Variants in ADAMTS12 observed in about 807,000 individuals in gnomAD.
The protein encoded by ADAMTS12 is A disintegrin and metalloproteinase with thrombospondin motifs 12.
Under a neutral mutation model 167.8 loss-of-function variants are expected in ADAMTS12, and 118 were observed. The ratio of observed to expected loss-of-function variants is 0.70; its 90% CI spans 0.61 to 0.82. The LOEUF is 0.82. ADAMTS12 is among the 40% of genes least tolerant of loss of function. The pLI is 0.00. For missense variants in ADAMTS12, 1,916 were observed against 1,998.8 expected (o/e 0.96, Z 0.79); for synonymous variants, 704 against 716.9 (o/e 0.98, Z 0.29).
intron 2 of ADAMTS12, among the ~76,000 whole-genome samples, chr5:33,814,788 A>G (rs949400705): frequency 6.6e-6 from 1 of 152,228 alleles, no homozygotes; most frequent in African/African-American, 2.4e-5. Flanking sequence ...CGTCAGTGAC[A>G]ATGATAAGTC....
chr5:33,728,346 G>A lies in ADAMTS12; in HGVS notation c.634+23058C>T, dbSNP rs573776517. On this transcript the variant is annotated intron_variant, in intron 3 of 23. Transcript: ENST00000504830. ...ATTGGACACGAAAGGGATGCTCTGA[G>A]CAAAACCTGGAGGAGTTGGCTTCCT... Among the ~76,000 whole-genome samples the A allele has an allele frequency of 2.0e-5, 3 of 152,346 alleles. No individual in the cohort carries two copies. The South Asian group carries it at 6.2e-4, about 32-fold the overall frequency.
intron 1 of ADAMTS12, among the ~76,000 whole-genome samples, chr5:33,890,735 C>T (rs1004114406): frequency 4.4e-4 from 67 of 152,156 alleles, no homozygotes; most frequent in African/African-American, 1.6e-3. Flanking sequence ...GCGTGTGTGT[C>T]CCTATTATTG....
chr5:33,731,882 T>C (rs1744207500), intron 3 of ADAMTS12, among the ~76,000 whole-genome samples: 1 of 152,196 alleles, frequency 6.6e-6, no homozygotes, highest in Non-Finnish European at 1.5e-5. Flanking sequence ...TATAGGGTAC[T>C]TAGGATTTTA....
intron 19 of ADAMTS12, among the ~76,000 whole-genome samples, chr5:33,570,053 A>G (rs1289729925): frequency 6.6e-6 from 1 of 152,240 alleles, no homozygotes; most frequent in Non-Finnish European, 1.5e-5. Context: ...AGAAAAAAGA[A>G]TAAAAAGGAA....
At chr5:33,538,868 C>T (rs556887805) in intron 22 of ADAMTS12, among the ~76,000 whole-genome samples, 2 of 152,114 alleles carry the variant, frequency 1.3e-5, no homozygotes, top group East Asian at 3.9e-4. Context: ...AATTTTTTCT[C>T]GAGATTCCAT....
chr5:33,574,991 C>G (rs1368493434), intron 19 of ADAMTS12, among the ~76,000 whole-genome samples: 1 of 152,016 alleles, frequency 6.6e-6, no homozygotes, highest in Admixed American at 6.5e-5. Flanking sequence ...ATTCAGATTT[C>G]AAATAGGTGA....
At chr5:33,725,763 G>T (rs1743960169) in intron 3 of ADAMTS12, among the ~76,000 whole-genome samples, 1 of 152,190 alleles carries the variant, frequency 6.6e-6, no homozygotes, top group African/African-American at 2.4e-5. Flanking sequence ...TTCGTGAGAA[G>T]ATTTATCAAA....
At chr5:33,709,378 A>G (rs1036064792) in intron 3 of ADAMTS12, among the ~76,000 whole-genome samples, 1 of 152,244 alleles carries the variant, frequency 6.6e-6, no homozygotes, top group Non-Finnish European at 1.5e-5. Flanking sequence ...AATATAAATC[A>G]TTCTATTATA....
Position 33,572,623 on chromosome 5 carries a change from C to G in ADAMTS12, c.3972+3431G>C, listed in dbSNP as rs1201905082. Among the ~76,000 whole-genome samples, 228 of 132,858 alleles carry G rather than the reference C, an allele frequency of 1.7e-3. 2 individuals are homozygous for G. Among genetic ancestry groups the G allele is most frequent in the Non-Finnish European group, 2.7e-3 (166 of 62,536 alleles). 87.2% of individuals were successfully genotyped at this position (132,858 alleles called of 152,430 possible). A position where few individuals can be genotyped will look rare whatever the true frequency, so the allele number is the denominator to read the frequency against. ...TCAAAATAATAAGAGCTATCTATGA[C>G]AAACCCACAGCCAATATCATACTGA... On this transcript the variant is annotated intron_variant, in intron 19 of 23. Transcript: ENST00000504830.
intron 3 of ADAMTS12, among the ~76,000 whole-genome samples, chr5:33,702,683 G>A (rs1330356909): frequency 3.3e-5 from 5 of 152,074 alleles, no homozygotes; most frequent in East Asian, 1.9e-4. Flanking sequence ...GCTTCTTTAC[G>A]AATCAACTGT....
At chr5:33,756,017 A>C (rs1213279980) in intron 2 of ADAMTS12, among the ~76,000 whole-genome samples, 3 of 152,228 alleles carry the variant, frequency 2.0e-5, no homozygotes, top group African/African-American at 7.2e-5. Context: ...ACAAAGTATC[A>C]ATCTATATCT....
intron 2 of ADAMTS12, among the ~76,000 whole-genome samples, chr5:33,866,033 C>T (rs979817525): frequency 3.9e-5 from 6 of 152,132 alleles, no homozygotes; most frequent in African/African-American, 1.4e-4. Context: ...GACCATACTG[C>T]AAAAGTAATC....
At position 33,549,349 on chromosome 5, in the gene ADAMTS12, CG is replaced by C; in HGVS notation, c.4159del (p.Arg1387AlafsTer14). 1 of 1,614,072 alleles carries C rather than the reference CG, an allele frequency of 6.2e-7. No homozygotes were observed. The highest frequency in any genetic ancestry group is 8.5e-7 in the Non-Finnish European group (1 of 1,179,944). ...CCGGCTGTCCACGCACTGAATCTCG[CG>C]TATCTTGAAGCCCCCACTGCAGTTT... ...SRNCSGGFKI[R>X]EIQCVDSRDH... On this transcript the variant is annotated frameshift_variant, in exon 21 of 24. Transcript: ENST00000504830. LOFTEE classifies it high-confidence loss of function.
chr5:33,618,488 G>A (rs938084284), intron 14 of ADAMTS12, among the ~76,000 whole-genome samples: 2 of 152,184 alleles, frequency 1.3e-5, no homozygotes, highest in South Asian at 4.1e-4. Flanking sequence ...TCACAGAAGA[G>A]TCCATGTCAT....
intron 9 of ADAMTS12, among the ~76,000 whole-genome samples, chr5:33,648,097 C>T (rs1225638125): frequency 6.6e-6 from 1 of 152,208 alleles, no homozygotes; most frequent in Non-Finnish European, 1.5e-5. Context: ...GATACTTTTG[C>T]ATTATAAGGG....
intron 3 of ADAMTS12, among the ~76,000 whole-genome samples, chr5:33,744,193 T>C (rs533905885): frequency 5.3e-5 from 8 of 152,288 alleles, no homozygotes; most frequent in South Asian, 2.1e-4. Context: ...AGGCAGATAC[T>C]CATCATATGA....
At chr5:33,697,196 C>T (rs564465824) in intron 3 of ADAMTS12, among the ~76,000 whole-genome samples, 13 of 152,214 alleles carry the variant, frequency 8.5e-5, no homozygotes, top group Middle Eastern at 3.4e-3. Context: ...CAGAAACTGC[C>T]GGGCTCTCTA....
intron 18 of ADAMTS12, among the ~76,000 whole-genome samples, chr5:33,585,601 G>A (rs1264408867): frequency 1.3e-5 from 2 of 152,214 alleles, no homozygotes; most frequent in Admixed American, 1.3e-4. Flanking sequence ...CTGAAATGGT[G>A]TATCTGGGAA....
intron 7 of ADAMTS12, among the ~76,000 whole-genome samples, chr5:33,650,470 T>C (rs1740832419): frequency 6.6e-6 from 1 of 152,234 alleles, no homozygotes; most frequent in Non-Finnish European, 1.5e-5. Flanking sequence ...TATCATGATC[T>C]AGCTTATTTT....
Sources: gnomAD v4.1 joint callset for allele counts (sites outside exome capture counted in the v4.1 genomes callset) on GRCh38, gnomAD v4.1.1 for gene constraint, MANE v1.5 for transcripts, NCBI Gene and HGNC (gene_info 2026-07-23, HGNC 2026-07-21) for gene names.